The following UBR1 variants were observed in gnomAD, a reference collection of about 807,000 sequenced individuals.
UBR1 encodes ubiquitin protein ligase E3 component n-recognin 1.
In UBR1, 102 loss-of-function variants were observed where a neutral mutation model predicts 242.1. That is an observed-to-expected ratio of 0.42 (90% CI 0.36 to 0.50). The LOEUF is 0.50. Ranked by LOEUF, UBR1 falls within the 20% of genes least tolerant of loss-of-function variation. UBR1 has a pLI of 0.01. For missense variants in UBR1, 1,772 were observed against 2,101.8 expected, an observed-to-expected ratio of 0.84 and a Z score of 3.07; for synonymous variants, 675 against 684.8, an observed-to-expected ratio of 0.99 and a Z score of 0.22.
intron 35 of UBR1, among the ~76,000 whole-genome samples, chr15:42,987,434 G>A (rs1157198079): frequency 1.3e-5 from 2 of 152,210 alleles, no homozygotes; most frequent in South Asian, 2.1e-4. Flanking sequence ...GTGGCTTCAA[G>A]GCCGGGTGTG....
chr15:43,009,866 C>T (rs997634694), intron 29 of UBR1, among the ~76,000 whole-genome samples: 8 of 152,042 alleles, frequency 5.3e-5, no homozygotes, highest in African/African-American at 1.9e-4. Flanking sequence ...GAATACTCTG[C>T]AGCTTTTTTG....
At chr15:43,080,051 A>G (rs184461303) in intron 3 of UBR1, among the ~76,000 whole-genome samples, 30 of 152,350 alleles carry the variant, frequency 2.0e-4, no homozygotes, top group African/African-American at 7.0e-4. Context: ...AAGAATCAGC[A>G]AACTTTCTGT....
intron 5 of UBR1, among the ~76,000 whole-genome samples, 194 bp from the exon 6 acceptor site, chr15:43,068,230 C>T (rs1215467861): frequency 6.8e-6 from 1 of 147,466 alleles, no homozygotes; most frequent in Non-Finnish European, 1.5e-5. Context: ...ACTCTGTCAC[C>T]CAGGCTGGAG....
intron 34 of UBR1, 125 bp from the exon 35 acceptor site, chr15:42,989,092 C>A: frequency 2.5e-6 from 2 of 793,316 alleles, no homozygotes; most frequent in Non-Finnish European, 4.0e-6. Flanking sequence ...TGCTCTTTGC[C>A]AAATTAGAGA....
intron 1 of UBR1, among the ~76,000 whole-genome samples, chr15:43,100,357 C>G (rs2034216393): frequency 6.6e-6 from 1 of 152,186 alleles, no homozygotes; most frequent in Non-Finnish European, 1.5e-5. Flanking sequence ...TTTATTACCT[C>G]CCTGTTCAGC....
At chr15:43,082,882 C>G (rs765423589) in intron 2 of UBR1, among the ~76,000 whole-genome samples, 166 bp from the exon 3 acceptor site, 32 of 152,298 alleles carry the variant, frequency 2.1e-4, no homozygotes, top group Middle Eastern at 3.4e-3. Context: ...GATAATATTG[C>G]TAGCACAACT....
intron 33 of UBR1, among the ~76,000 whole-genome samples, chr15:42,995,966 C>A (rs1346899213): frequency 6.6e-6 from 1 of 152,218 alleles, no homozygotes; most frequent in African/African-American, 2.4e-5. Flanking sequence ...CTGTTCCCCA[C>A]TGTGTACTCT....
At chr15:43,038,438 G>A (rs1024806551) in intron 15 of UBR1, among the ~76,000 whole-genome samples, 3 of 151,942 alleles carry the variant, frequency 2.0e-5, no homozygotes, top group Non-Finnish European at 2.9e-5. Context: ...GTGAAAGCCC[G>A]TCTCTACAAT....
At chr15:43,046,756 CTT>C (rs1379373529) in intron 14 of UBR1, among the ~76,000 whole-genome samples, 1 of 152,096 alleles carries the variant, frequency 6.6e-6, no homozygotes, top group African/African-American at 2.4e-5. Flanking sequence ...AAAATTGCTG[CTT>C]AAGGAAATAC....
intron 40 of UBR1, among the ~76,000 whole-genome samples, chr15:42,966,614 G>C (rs930254028): frequency 3.3e-5 from 5 of 151,594 alleles, no homozygotes; most frequent in Admixed American, 6.6e-5. Context: ...GGAGGTGGAG[G>C]CTGCAGTGAG....
At chr15:43,033,521 G>C (rs1235653087) in intron 19 of UBR1, among the ~76,000 whole-genome samples, 1 of 152,152 alleles carries the variant, frequency 6.6e-6, no homozygotes, top group Non-Finnish European at 1.5e-5. Flanking sequence ...GCATGCGCCT[G>C]TAATCCCAGC....
At position 43,059,084 on chromosome 15, in the gene UBR1, C is replaced by G; in HGVS notation, c.1093+1G>C. On this transcript the variant is annotated splice_donor_variant, in intron 9 of 46. Transcript: ENST00000290650. LOFTEE classifies it high-confidence loss of function. ...AACAGCATAAGCAAATGTCTACTTA[C>G]CTTTATAAAGCTTTGCATCCCAAAG... 1 of 1,612,980 alleles carries G rather than the reference C, an allele frequency of 6.2e-7. No individual in the cohort carries two copies. The highest frequency in any genetic ancestry group is 8.5e-7 in the Non-Finnish European group (1 of 1,179,012).
At chr15:43,069,178 C>CAAGA (rs1410776110) in intron 5 of UBR1, among the ~76,000 whole-genome samples, 3 of 152,100 alleles carry the variant, frequency 2.0e-5, no homozygotes, top group Non-Finnish European at 4.4e-5. Flanking sequence ...GATGACAGTG[C>CAAGA]TTTTTCATCT....
In UBR1 at chr15:43,038,220, C is replaced by T. The variant is rs759990188; in HGVS notation, c.1862G>A (p.Arg621His). Residue 621 changes from arginine to histidine, a missense_variant, in exon 16 of 47, where the codon CGT (arginine) becomes CAT (histidine). Arg to His is a conservative substitution (Grantham distance 29). Transcript: ENST00000290650. ...LSRTLAGLHV[R>H]LSRLGAVSRL... ...TGAAACAGCACCCAGCCTGCTTAAA[C>T]GTACATGAAGACCTAAAGTTAAAAA... is the stretch of plus-strand genomic sequence containing the variant. 25 of 1,613,842 alleles carry T rather than the reference C, an allele frequency of 1.5e-5. No individual in the cohort carries two copies. The East Asian group carries it at 3.6e-4, about 23-fold the overall frequency.
chr15:43,000,990 T>C (rs758838974), intron 32 of UBR1, among the ~76,000 whole-genome samples: 53 of 152,034 alleles, frequency 3.5e-4, no homozygotes, highest in African/African-American at 1.3e-3. Context: ...TGTGCCACCA[T>C]GCCAGGCTAA....
chr15:43,064,926 C>A (rs35838915), intron 6 of UBR1, among the ~76,000 whole-genome samples: 36,518 of 152,036 alleles, frequency 0.24, 5,232 homozygotes, highest in African/African-American at 0.4. Context: ...CAAAAGGCTC[C>A]ATTTTTCTCC....
At chr15:43,025,518 T>C (rs1014384680) in intron 23 of UBR1, 89 bp from the exon 24 acceptor site, 16 of 935,654 alleles carry the variant, frequency 1.7e-5, no homozygotes, top group Non-Finnish European at 2.2e-5. Context: ...CCCAACCACC[T>C]ATTAAAATAC....
At chr15:42,971,233 T>C (rs763975322) in intron 39 of UBR1, among the ~76,000 whole-genome samples, 2 of 152,310 alleles carry the variant, frequency 1.3e-5, no homozygotes, top group African/African-American at 2.4e-5. Flanking sequence ...AGCCAGCAGA[T>C]AGAAATTCAA....
At chr15:43,017,673 G>C (rs1381282755) in intron 27 of UBR1, among the ~76,000 whole-genome samples, 1 of 151,794 alleles carries the variant, frequency 6.6e-6, no homozygotes, top group Non-Finnish European at 1.5e-5. Flanking sequence ...AGCTGGGCGT[G>C]GTGACCCATG....
Sources: gnomAD v4.1 joint callset for allele counts (sites outside exome capture counted in the v4.1 genomes callset) on GRCh38, gnomAD v4.1.1 for gene constraint, MANE v1.5 for transcripts, NCBI Gene and HGNC (gene_info 2026-07-23, HGNC 2026-07-21) for gene names.